The following ANKFN1 variants were observed in gnomAD, a reference collection of about 807,000 sequenced individuals.
ANKFN1 encodes ankyrin repeat and fibronectin type III domain containing 1.
ANKFN1 carries 74 observed loss-of-function variants against 108.7 expected under a neutral mutation model. The observed-to-expected ratio is 0.68, with a 90% CI of 0.56 to 0.83. The LOEUF (loss-of-function observed/expected upper bound fraction) is 0.83, where lower values mean the gene tolerates loss of function less well. Among genes scored for constraint, ANKFN1 ranks in the 40% least tolerant of loss-of-function variants. The pLI is 0.00. For synonymous variants in ANKFN1, 547 were observed against 516.2 expected, an observed-to-expected ratio of 1.06 and a Z score of -0.81; for missense variants, 1,505 against 1,382.3, an observed-to-expected ratio of 1.09 and a Z score of -1.41.
chr17:56,134,244 G>A (rs980633398), intron 4 of ANKFN1, among the ~76,000 whole-genome samples: 1 of 152,126 alleles, frequency 6.6e-6, no homozygotes, highest in Non-Finnish European at 1.5e-5. Flanking sequence ...TGACCCTATG[G>A]AATTGGGGTG....
intron 2 of ANKFN1, among the ~76,000 whole-genome samples, chr17:56,220,820 A>ATC (rs1915804897): frequency 3.7e-5 from 2 of 54,122 alleles, no homozygotes; most frequent in Admixed American, 2.3e-4. Flanking sequence ...GGAAGGAAGG[A>ATC]AGGAAGGAAG....
At position 56,482,440 on chromosome 17, in the gene ANKFN1, G is replaced by C; in HGVS notation, c.2176G>C (p.Asp726His). Residue 726 changes from aspartate (D) to histidine (H), a missense_variant, in exon 18 of 21, where the codon GAC (aspartate) becomes CAC (histidine). Transcript: ENST00000682825. Reference protein sequence around the residue: ...SFLLLLPASDDVCTAPGQNNP... With the variant: ...SFLLLLPASDHVCTAPGQNNP... Reference sequence around the variant, plus strand: ...TCTTCTCCTGCTCCCTGCCTCAGACGACGTCTGTACAGCCCCAGGACAGAA... The same window carrying C: ...TCTTCTCCTGCTCCCTGCCTCAGACCACGTCTGTACAGCCCCAGGACAGAA... 1 of 1,613,476 alleles carries C rather than the reference G, an allele frequency of 6.2e-7. No homozygotes were observed. Among genetic ancestry groups the C allele is most frequent in the East Asian group, 2.2e-5 (1 of 44,866 alleles).
At chr17:56,320,910 G>A (rs376941515) in intron 3 of ANKFN1, among the ~76,000 whole-genome samples, 3 of 152,204 alleles carry the variant, frequency 2.0e-5, no homozygotes, top group Admixed American at 6.5e-5. Context: ...TGAATGCAAT[G>A]TGTCTCGTCT....
chr17:56,292,475 C>T, intron 3 of ANKFN1, among the ~76,000 whole-genome samples: 1 of 152,130 alleles, frequency 6.6e-6, no homozygotes, highest in East Asian at 1.9e-4. Context: ...GAAGAAATCT[C>T]TTGGAAGAAA....
chr17:56,176,826 A>C (rs1911202395), intron 1 of ANKFN1, among the ~76,000 whole-genome samples: 2 of 152,184 alleles, frequency 1.3e-5, no homozygotes, highest in Admixed American at 1.3e-4. Flanking sequence ...TTTTCCTGTA[A>C]TGTCACTGCC....
intron 3 of ANKFN1, among the ~76,000 whole-genome samples, chr17:56,244,580 G>T (rs547348674): frequency 9.2e-5 from 14 of 152,240 alleles, no homozygotes; most frequent in Non-Finnish European, 1.9e-4. Context: ...TCATCTTTAT[G>T]TTTTTTGGAT....
intron 2 of ANKFN1, among the ~76,000 whole-genome samples, chr17:56,214,857 T>C (rs1392746982): frequency 6.6e-6 from 1 of 152,188 alleles, no homozygotes; most frequent in Non-Finnish European, 1.5e-5. Context: ...AAAAATGGGC[T>C]AACATGCAAA....
At chr17:56,284,525 C>T (rs899736574) in intron 3 of ANKFN1, among the ~76,000 whole-genome samples, 11 of 152,036 alleles carry the variant, frequency 7.2e-5, no homozygotes, top group Admixed American at 3.9e-4. Flanking sequence ...CTAATAGAAT[C>T]GCCCAGCATA....
At chr17:56,152,480 A>T (rs1908717981), upstream of ANKFN1, among the ~76,000 whole-genome samples, 1 of 151,948 alleles carries the variant, frequency 6.6e-6, no homozygotes, top group Admixed American at 6.6e-5. Flanking sequence ...CTCTATTTTT[A>T]AAAAAGCAAT....
chr17:56,170,206 C>G (rs993127963), intron 1 of ANKFN1, among the ~76,000 whole-genome samples: 3 of 152,168 alleles, frequency 2.0e-5, no homozygotes, highest in African/African-American at 7.2e-5. Flanking sequence ...CTCAGTAAGT[C>G]AACATTTATT....
intron 3 of ANKFN1, among the ~76,000 whole-genome samples, chr17:56,289,290 CT>C (rs2044299098): frequency 6.6e-6 from 1 of 152,114 alleles, no homozygotes; most frequent in African/African-American, 2.4e-5. Flanking sequence ...GCTTTGTAGA[CT>C]CAGAAAGAGC....
At position 56,402,246 on chromosome 17, in the gene ANKFN1, T is replaced by C. The variant is rs144988346; in HGVS notation, c.910+27532T>C. ...GAGAGTTCCTTCTTTCTCTATCTTA[T>C]GGAATAGTGACAAAAGGATTGGTAC... is the stretch of plus-strand genomic sequence containing the variant. On this transcript the variant is annotated intron_variant, in intron 8 of 20. Coordinates refer to ENST00000682825, the MANE Select transcript of ANKFN1 (RefSeq NM_001370326.1). Among the ~76,000 whole-genome samples, 326 of 152,238 alleles carry C rather than the reference T, an allele frequency of 2.1e-3. 1 individual carries two copies. Among genetic ancestry groups the C allele is most frequent in the African/African-American group, 7.4e-3 (308 of 41,556 alleles).
At chr17:56,313,389 T>C (rs1219976318) in intron 3 of ANKFN1, among the ~76,000 whole-genome samples, 1 of 152,150 alleles carries the variant, frequency 6.6e-6, no homozygotes, top group Admixed American at 6.5e-5. Context: ...AGCCTGGTCA[T>C]GGAGGTAAAG....
intron 4 of ANKFN1, among the ~76,000 whole-genome samples, chr17:56,088,651 C>T (rs544309739): frequency 6.6e-5 from 10 of 151,244 alleles, no homozygotes; most frequent in Admixed American, 3.3e-4. Flanking sequence ...TGACTCCCTC[C>T]ACCTATCTTC....
At chr17:56,157,174 G>T (rs1219303143) in intron 1 of ANKFN1, among the ~76,000 whole-genome samples, 5 of 152,208 alleles carry the variant, frequency 3.3e-5, no homozygotes, top group Non-Finnish European at 4.4e-5. Flanking sequence ...CCTGGCAGGG[G>T]ACAGCAAAGG....
intron 4 of ANKFN1, among the ~76,000 whole-genome samples, chr17:56,115,578 G>A (rs1302034296): frequency 6.6e-6 from 1 of 152,088 alleles, no homozygotes; most frequent in Non-Finnish European, 1.5e-5. Flanking sequence ...GAAGACTGTT[G>A]AGTTTGAAAA....
chr17:56,260,642 G>A (rs1024315754), intron 3 of ANKFN1, among the ~76,000 whole-genome samples: 1 of 152,074 alleles, frequency 6.6e-6, no homozygotes. Flanking sequence ...AAAAGTACTC[G>A]GTAAAGTATG....
At chr17:56,374,980 G>T (rs1320004964) in intron 8 of ANKFN1, among the ~76,000 whole-genome samples, 36 of 152,162 alleles carry the variant, frequency 2.4e-4, no homozygotes, top group Non-Finnish European at 2.9e-5. Context: ...CAGAGGACTT[G>T]CTCTATGCAT....
At position 56,087,334 on chromosome 17, in the gene ANKFN1, C is replaced by T. The variant is rs965805997; in HGVS notation, c.288+41009C>T. ...CTCTTCACTCTTAGAAGGGAAGTGA[C>T]TGTGGACAACAGTGACCATGATGCC... On this transcript the variant is annotated intron_variant, in intron 4 of 12. Transcript: ENST00000635860. 8.6e-5 allele frequency among the ~76,000 whole-genome samples: 13 copies of T among 151,420 alleles called. 1 individual carries two copies. Among genetic ancestry groups the T allele is most frequent in the African/African-American group, 3.2e-4 (13 of 41,246 alleles).
Sources: allele counts gnomAD v4.1 joint callset (sites outside exome capture counted in the v4.1 genomes callset), GRCh38; gene constraint gnomAD v4.1.1; transcripts MANE v1.5; gene names NCBI Gene and HGNC (gene_info 2026-07-23, HGNC 2026-07-21).